Variants in MME observed in about 807,000 individuals in gnomAD.
MME encodes the protein neprilysin.
A neutral mutation model predicts 113.2 loss-of-function variants in MME; 98 were observed. That is an observed-to-expected ratio of 0.87 (90% CI 0.74 to 1.02). MME has a LOEUF of 1.02. Among genes scored for constraint, MME ranks in the 50% least tolerant of loss-of-function variants. The pLI, the probability that MME is intolerant of heterozygous loss-of-function variation, is 0.00. For missense variants in MME, 836 were observed against 896.0 expected, an observed-to-expected ratio of 0.93 and a Z score of 0.86; for synonymous variants, 292 against 300.6, an observed-to-expected ratio of 0.97 and a Z score of 0.30.
In MME at chr3:155,142,225, T is replaced by A; in HGVS notation, c.1095-12T>A. ...TCTTTTCTGTTGCTGGGCGGTGGTT[T>A]TTTTTATACAGAGATCTTCAAAATT... On this transcript the variant is annotated splice_polypyrimidine_tract_variant and intron_variant, in intron 11 of 22. Coordinates refer to ENST00000360490, the MANE Select transcript of MME (RefSeq NM_007289.4). 6.2e-7 allele frequency: 1 copy of A among 1,613,496 alleles called. No homozygotes were observed.
chr3:155,046,406 G>GA (rs1314831450), intron 1 of MME, among the ~76,000 whole-genome samples: 8 of 152,168 alleles, frequency 5.3e-5, no homozygotes, highest in Admixed American at 3.3e-4. Context: ...TCCCATTGCT[G>GA]GCCGGGAGTG....
chr3:155,166,852 T>C, intron 17 of MME, 50 bp from the exon 18 acceptor site: 2 of 1,612,458 alleles, frequency 1.2e-6, no homozygotes, highest in Non-Finnish European at 1.7e-6. Context: ...AAATAAAAAT[T>C]TTAAAAACTT....
rs544471594 is a variant in MME, at chr3:155,057,339, T to G, written c.-10-26819T>G. ...GACATTTATGCAGCCAAAAAACACA[T>G]GAAAAAATGCTCATCATCACTGGCC... On this transcript the variant is annotated intron_variant, in intron 1 of 22. Transcript: ENST00000492661. Among the ~76,000 whole-genome samples, 13 of 151,606 alleles carry G rather than the reference T, an allele frequency of 8.6e-5. No homozygotes were observed. The South Asian group carries it at 2.3e-3, about 27-fold the overall frequency.
At chr3:155,170,538 CTG>C (rs1459784867) in intron 20 of MME, among the ~76,000 whole-genome samples, 2 of 152,176 alleles carry the variant, frequency 1.3e-5, no homozygotes, top group African/African-American at 2.4e-5. Context: ...AGAATCTACT[CTG>C]TGAATCTTGG....
At chr3:155,097,424 G>A (rs1452004065) in intron 3 of MME, among the ~76,000 whole-genome samples, 1 of 152,186 alleles carries the variant, frequency 6.6e-6, no homozygotes, top group Non-Finnish European at 1.5e-5. Flanking sequence ...AGCAAATGGA[G>A]GAGCAGCTGT....
chr3:155,110,035 G>A (rs535597527), intron 3 of MME, among the ~76,000 whole-genome samples: 2 of 152,352 alleles, frequency 1.3e-5, no homozygotes, highest in Admixed American at 6.5e-5. Flanking sequence ...ACATTGTCCT[G>A]CCTTTGTCCC....
chr3:155,051,281 G>A (rs913321502), intron 1 of MME, among the ~76,000 whole-genome samples: 2 of 152,174 alleles, frequency 1.3e-5, no homozygotes, highest in Non-Finnish European at 2.9e-5. Flanking sequence ...TCAAGAAAAT[G>A]TCTGTAGAGG....
At chr3:155,128,469 C>G (rs767676751) in intron 8 of MME, among the ~76,000 whole-genome samples, 1 of 152,120 alleles carries the variant, frequency 6.6e-6, no homozygotes, top group Non-Finnish European at 1.5e-5. Context: ...TGTAGAATAA[C>G]AAGTTTACCT....
intron 1 of MME, among the ~76,000 whole-genome samples, chr3:155,062,581 G>A (rs1714184272): frequency 6.6e-6 from 1 of 151,992 alleles, no homozygotes; most frequent in East Asian, 1.9e-4. Context: ...AAATAACAAG[G>A]CACATGAGAA....
At chr3:155,104,340 G>A (rs546910012) in intron 3 of MME, among the ~76,000 whole-genome samples, 41 of 152,130 alleles carry the variant, frequency 2.7e-4, no homozygotes, top group African/African-American at 6.5e-4. Flanking sequence ...TATTTAATCC[G>A]TAAAAAATAT....
upstream of MME, among the ~76,000 whole-genome samples, chr3:155,079,017 C>G (rs1714885982): frequency 6.6e-6 from 1 of 152,040 alleles, no homozygotes; most frequent in African/African-American, 2.4e-5. Flanking sequence ...CACTCCCCAC[C>G]CTCAACCTCC....
intron 1 of MME, among the ~76,000 whole-genome samples, chr3:155,045,000 G>A (rs1713502669): frequency 1.3e-5 from 2 of 151,702 alleles, no homozygotes; most frequent in East Asian, 1.9e-4. Flanking sequence ...GTAGTTGAAA[G>A]CTTTTCTTCT....
intron 10 of MME, among the ~76,000 whole-genome samples, chr3:155,140,974 C>G (rs966231370): frequency 6.6e-5 from 10 of 152,194 alleles, no homozygotes; most frequent in Non-Finnish European, 1.5e-4. Context: ...GAAAAGCTCT[C>G]TCATAGATTC....
chr3:155,025,709 T>TTTTC (rs1712758278), intron 1 of MME, among the ~76,000 whole-genome samples: 1 of 139,584 alleles, frequency 7.2e-6, no homozygotes, highest in Non-Finnish European at 1.6e-5. Context: ...TTTTTTTTTT[T>TTTTC]TGAGACAGAG....
At chr3:155,096,529 T>C (rs996704382) in intron 3 of MME, among the ~76,000 whole-genome samples, 2 of 152,164 alleles carry the variant, frequency 1.3e-5, no homozygotes, top group African/African-American at 4.8e-5. Context: ...TTCCTTCTAG[T>C]AGCGGTGGGA....
At chr3:155,063,419 T>G (rs1278229223) in intron 1 of MME, among the ~76,000 whole-genome samples, 2 of 109,944 alleles carry the variant, frequency 1.8e-5, no homozygotes, top group Non-Finnish European at 3.3e-5. Context: ...TATATTTTAT[T>G]CATAATAAAA....
intron 20 of MME, among the ~76,000 whole-genome samples, chr3:155,169,403 T>C (rs62277292): frequency 0.019 from 2,941 of 152,256 alleles, 39 homozygotes; most frequent in Non-Finnish European, 0.028. Context: ...TTGCATTCAA[T>C]ACATATTCAT....
rs1276987360 is a variant in MME, at chr3:155,172,209, A to G, written c.2073A>G (p.Ala691=). Residue 691 remains alanine (A), a synonymous_variant, in exon 21 of 23, where the codon GCA becomes GCG. Transcript: ENST00000360490. ...AACAACTATTTTTCTTGAACTTTGC[A>G]CAGGTATTGTGTCTTTCTTGATTGA... ...NHKQLFFLNF[A]QVWCGTYRPE... 1 of 1,596,762 alleles carries G rather than the reference A, an allele frequency of 6.3e-7. No homozygotes were observed. The highest frequency in any genetic ancestry group is 8.6e-7 in the Non-Finnish European group (1 of 1,164,722).
rs199816998 is a variant in MME, at chr3:155,180,347, G to A, written c.2154-13G>A. On this transcript the variant is annotated splice_polypyrimidine_tract_variant and intron_variant, in intron 22 of 22. Transcript: ENST00000360490. ...TCAAATGCTGACGGTGACTTTTTTT[G>A]TTTGTTTCAAAGGATTATTGGGACT... 4.2e-4 allele frequency: 679 copies of A among 1,607,904 alleles called. No individual in the cohort carries two copies. Among genetic ancestry groups the A allele is most frequent in the Non-Finnish European group, 5.6e-4 (657 of 1,174,626 alleles).
Sources: allele counts gnomAD v4.1 joint callset (sites outside exome capture counted in the v4.1 genomes callset), GRCh38; gene constraint gnomAD v4.1.1; transcripts MANE v1.5; gene names NCBI Gene and HGNC (gene_info 2026-07-23, HGNC 2026-07-21).